Variants in ATRN observed in about 807,000 individuals in gnomAD.
ATRN encodes the protein attractin-2.
In ATRN, 54 loss-of-function variants were observed where a neutral mutation model predicts 178.7. The ratio of observed to expected loss-of-function variants is 0.30; its 90% CI spans 0.24 to 0.38. The LOEUF (loss-of-function observed/expected upper bound fraction) is 0.38. Ranked by LOEUF, ATRN falls within the 10% of genes least tolerant of loss-of-function variation. ATRN has a pLI of 1.00. For missense variants in ATRN, 1,443 were observed against 1,815.1 expected, an observed-to-expected ratio of 0.79 and a Z score of 3.73; for synonymous variants, 636 against 663.0, an observed-to-expected ratio of 0.96 and a Z score of 0.63.
chr20:3,583,776 C>G, intron 16 of ATRN, 122 bp from the exon 17 acceptor site: 1 of 1,044,788 alleles, frequency 9.6e-7, no homozygotes, highest in Admixed American at 2.3e-5. Flanking sequence ...CCACTGCACT[C>G]TAGCCTGGAG....
intron 1 of ATRN, among the ~76,000 whole-genome samples, chr20:3,508,589 C>G (rs748671579): frequency 6.6e-6 from 1 of 152,134 alleles, no homozygotes; most frequent in Non-Finnish European, 1.5e-5. Context: ...AAGATATTTT[C>G]AGATGAACAA....
At chr20:3,521,106 G>T (rs1448291813) in intron 1 of ATRN, among the ~76,000 whole-genome samples, 1 of 152,090 alleles carries the variant, frequency 6.6e-6, no homozygotes, top group African/African-American at 2.4e-5. Context: ...TGAGAGGGGA[G>T]GTTGGGAGGC....
chr20:3,545,989 G>A (rs2085695454), intron 4 of ATRN, 99 bp downstream of exon 4: 7 of 1,307,240 alleles, frequency 5.4e-6, no homozygotes, highest in Non-Finnish European at 6.4e-6. Flanking sequence ...GCCAGGCATA[G>A]CGTCAGGCAG....
intron 24 of ATRN, chr20:3,615,770 A>G: frequency 2.2e-6 from 1 of 453,964 alleles, no homozygotes. Context: ...TGCCCCCATC[A>G]TTCTCAGCAA....
At chr20:3,555,065 A>T (rs1194200303) in intron 6 of ATRN, among the ~76,000 whole-genome samples, 2 of 122,050 alleles carry the variant, frequency 1.6e-5, no homozygotes, top group Admixed American at 1.2e-4. Flanking sequence ...CAGTGGCGTG[A>T]TCTCGGCTCA....
intron 24 of ATRN, among the ~76,000 whole-genome samples, chr20:3,609,512 T>C (rs612038): frequency 0.24 from 36,461 of 152,130 alleles, 4,974 homozygotes; most frequent in East Asian, 0.57. Flanking sequence ...GGATGCCCTT[T>C]ATTTCTTTCT....
At position 3,560,825 on chromosome 20, in the gene ATRN, A is replaced by G. The variant is rs373631837; in HGVS notation, c.1367A>G (p.Asn456Ser). The G allele has an allele frequency of 2.4e-5, 39 of 1,614,182 alleles. No individual in the cohort carries two copies. The African/African-American group carries it at 4.5e-4, about 19-fold the overall frequency. ...TCTGCACACATTGTTACACTGAAGA[A>G]TGGCCGAGTGGTCATGCTGGTCATC... The part of the protein sequence containing the change: ...GHSAHIVTLK[N>S]GRVVMLVIFG... The change falls in exon 8 of 29, where the codon AAT (asparagine) becomes AGT (serine). Residue 456 changes from asparagine (N) to serine (S), a missense_variant. By Grantham distance (46) the Asn-to-Ser change is conservative (BLOSUM62 1). Coordinates refer to ENST00000262919, the MANE Select transcript of ATRN (RefSeq NM_139321.3).
intron 1 of ATRN, among the ~76,000 whole-genome samples, chr20:3,498,551 C>G (rs1226211737): frequency 6.6e-6 from 1 of 151,970 alleles, no homozygotes; most frequent in Non-Finnish European, 1.5e-5. Flanking sequence ...TAAATGTAAT[C>G]CAGCATATAA....
At chr20:3,559,089 G>C (rs908823673) in intron 6 of ATRN, among the ~76,000 whole-genome samples, 1 of 152,056 alleles carries the variant, frequency 6.6e-6, no homozygotes, top group Admixed American at 6.6e-5. Context: ...TGAGTCCCTT[G>C]AGTACAATGC....
chr20:3,592,857 T>C (rs576965180), intron 19 of ATRN, among the ~76,000 whole-genome samples: 1 of 152,352 alleles, frequency 6.6e-6, no homozygotes, highest in East Asian at 1.9e-4. Context: ...GCAATTCTTA[T>C]TACCCTTCTA....
At chr20:3,519,102 G>C (rs2085250633) in intron 1 of ATRN, among the ~76,000 whole-genome samples, 1 of 151,782 alleles carries the variant, frequency 6.6e-6, no homozygotes, top group Non-Finnish European at 1.5e-5. Flanking sequence ...TGTAGCAAGA[G>C]GCAAGGACCA....
chr20:3,615,372 C>A (rs1173871363), intron 24 of ATRN, among the ~76,000 whole-genome samples: 1 of 148,258 alleles, frequency 6.7e-6, no homozygotes, highest in Non-Finnish European at 1.5e-5. Context: ...GATGTTGCAG[C>A]GAGCCAAGAT....
chr20:3,650,563 G>A lies in ATRN; in HGVS notation c.*3716G>A, dbSNP rs1376482564. Reference sequence around the variant, plus strand: ...ACCCCATTGACCAAACTTGGCTCCAGCCATTGCGGTGGTTTCTAGATAGCC... The same window carrying A: ...ACCCCATTGACCAAACTTGGCTCCAACCATTGCGGTGGTTTCTAGATAGCC... On this transcript the variant is annotated 3_prime_UTR_variant, in exon 29 of 29. Transcript: ENST00000262919. 6.6e-6 allele frequency: 1 copy of A among 152,234 alleles called. No individual in the cohort carries two copies. Among genetic ancestry groups the A allele is most frequent in the Non-Finnish European group, 1.5e-5 (1 of 68,040 alleles). 9.4% of individuals were successfully genotyped at this position (152,234 alleles called of 1,614,324 possible). A position where few individuals can be genotyped will look rare whatever the true frequency, so the allele number is the denominator to read the frequency against.
chr20:3,537,122 A>T (rs975947073), intron 2 of ATRN, among the ~76,000 whole-genome samples: 1 of 152,244 alleles, frequency 6.6e-6, no homozygotes, highest in Non-Finnish European at 1.5e-5. Context: ...ATAATATTTT[A>T]AAAATCACAT....
chr20:3,542,168 C>G (rs538614650), intron 3 of ATRN, among the ~76,000 whole-genome samples: 2 of 152,316 alleles, frequency 1.3e-5, no homozygotes, highest in East Asian at 1.9e-4. Context: ...GCATTTGAAA[C>G]ATAACTTGTA....
At chr20:3,584,231 A>C in intron 17 of ATRN, 148 bp downstream of exon 17, 1 of 811,878 alleles carries the variant, frequency 1.2e-6, no homozygotes, top group East Asian at 2.5e-5. Context: ...ACTGCCATCG[A>C]GACCTTGCTG....
chr20:3,636,200 A>G (rs946121120), intron 26 of ATRN, among the ~76,000 whole-genome samples: 1 of 152,246 alleles, frequency 6.6e-6, no homozygotes, highest in Non-Finnish European at 1.5e-5. Flanking sequence ...GATTTTATAC[A>G]CAGAAATCTT....
intron 1 of ATRN, among the ~76,000 whole-genome samples, chr20:3,534,192 A>C (rs1221343414): frequency 6.6e-6 from 1 of 152,172 alleles, no homozygotes; most frequent in Non-Finnish European, 1.5e-5. Flanking sequence ...TGAGAAAATG[A>C]AATGTGTGGA....
chr20:3,625,571 AAAAAT>A (rs1298721166), intron 25 of ATRN, among the ~76,000 whole-genome samples: 3 of 152,204 alleles, frequency 2.0e-5, no homozygotes, highest in African/African-American at 7.2e-5. Context: ...TAGAACAGTA[AAAAAT>A]AAAATAAAAT....
Sources: gnomAD v4.1 joint callset for allele counts (sites outside exome capture counted in the v4.1 genomes callset) on GRCh38, gnomAD v4.1.1 for gene constraint, MANE v1.5 for transcripts, NCBI Gene and HGNC (gene_info 2026-07-23, HGNC 2026-07-21) for gene names.